The following PLCH1 variants were observed in gnomAD, a reference collection of about 807,000 sequenced individuals.
PLCH1 encodes the protein phospholipase C eta 1, also known as 1-phosphatidylinositol 4,5-bisphosphate phosphodiesterase eta-1.
Under a neutral mutation model 126.7 loss-of-function variants are expected in PLCH1, and 60 were observed. The ratio of observed to expected loss-of-function variants is 0.47; its 90% confidence interval spans 0.38 to 0.59. PLCH1 has a LOEUF of 0.59. PLCH1 is among the 20% of genes least tolerant of loss of function. The pLI is 0.00. For missense variants in PLCH1, 1,723 were observed against 2,040.0 expected, an observed-to-expected ratio of 0.84 and a Z score of 2.99; for synonymous variants, 719 against 734.9, an observed-to-expected ratio of 0.98 and a Z score of 0.35.
At chr3:155,567,595 G>C (rs1474137858) in intron 7 of PLCH1, among the ~76,000 whole-genome samples, 1 of 151,960 alleles carries the variant, frequency 6.6e-6, no homozygotes, top group Non-Finnish European at 1.5e-5. Flanking sequence ...CCTCCTCTTG[G>C]GTGGCAGCCT....
chr3:155,578,424 G>A (rs73154269), intron 6 of PLCH1, among the ~76,000 whole-genome samples: 6,763 of 152,228 alleles, frequency 0.044, 218 homozygotes, highest in Middle Eastern at 0.1. Flanking sequence ...TGATACTAAG[G>A]TAAAGTAAAA....
At chr3:155,684,993 A>G (rs1036955319) in intron 2 of PLCH1, among the ~76,000 whole-genome samples, 1 of 152,248 alleles carries the variant, frequency 6.6e-6, no homozygotes, top group Non-Finnish European at 1.5e-5. Flanking sequence ...AAGGAGGAAC[A>G]TAATGTAAAT....
chr3:155,696,804 C>T (rs1022190264), intron 2 of PLCH1, among the ~76,000 whole-genome samples: 5 of 152,108 alleles, frequency 3.3e-5, no homozygotes, highest in African/African-American at 9.7e-5. Context: ...CAATCAAGGG[C>T]CTTTCTGCCT....
intron 2 of PLCH1, among the ~76,000 whole-genome samples, chr3:155,604,098 T>C (rs1252461404): frequency 6.6e-6 from 1 of 151,972 alleles, no homozygotes; most frequent in Non-Finnish European, 1.5e-5. Flanking sequence ...GACCCTAGAC[T>C]CAATCAATCA....
At chr3:155,600,073 G>A (rs749844849) in intron 2 of PLCH1, among the ~76,000 whole-genome samples, 5 of 152,088 alleles carry the variant, frequency 3.3e-5, no homozygotes, top group Non-Finnish European at 5.9e-5. Context: ...TTTGGATAGA[G>A]GTAAATTGAA....
At chr3:155,521,553 C>T (rs1176246033) in intron 11 of PLCH1, among the ~76,000 whole-genome samples, 2 of 152,140 alleles carry the variant, frequency 1.3e-5, no homozygotes, top group African/African-American at 4.8e-5. Context: ...TAAGAGCTTC[C>T]TCTAAGATAA....
At chr3:155,712,994 TA>T (rs10684622) in intron 1 of PLCH1, among the ~76,000 whole-genome samples, 173 of 142,846 alleles carry the variant, frequency 1.2e-3, no homozygotes, top group Non-Finnish European at 1.2e-3. Context: ...ATCTTGTCTT[TA>T]AAAAAAAAAA....
intron 11 of PLCH1, among the ~76,000 whole-genome samples, chr3:155,516,841 G>A (rs1720396217): frequency 6.6e-6 from 1 of 152,062 alleles, no homozygotes; most frequent in African/African-American, 2.4e-5. Flanking sequence ...AGAGCCCTCA[G>A]TGTCATTGAG....
At chr3:155,724,810 GTT>G (rs1553764572) in intron 1 of PLCH1, among the ~76,000 whole-genome samples, 1 of 115,586 alleles carries the variant, frequency 8.7e-6, no homozygotes, top group Non-Finnish European at 1.6e-5. Flanking sequence ...ACCTTGGGGG[GTT>G]TTGTGTGTGT....
At chr3:155,714,822 T>G (rs1747391104) in intron 1 of PLCH1, among the ~76,000 whole-genome samples, 1 of 152,232 alleles carries the variant, frequency 6.6e-6, no homozygotes, top group African/African-American at 2.4e-5. Flanking sequence ...TTTACATGTA[T>G]GTTCCCAAGC....
chr3:155,598,327 A>G (rs937920438), intron 2 of PLCH1, among the ~76,000 whole-genome samples: 1 of 152,250 alleles, frequency 6.6e-6, no homozygotes, highest in Non-Finnish European at 1.5e-5. Context: ...TGAAAGCTAC[A>G]TAGTTGAATT....
At chr3:155,577,599 ATTTCT>A (rs1179708185) in intron 6 of PLCH1, among the ~76,000 whole-genome samples, 1 of 152,092 alleles carries the variant, frequency 6.6e-6, no homozygotes, top group Non-Finnish European at 1.5e-5. Flanking sequence ...AATTTTATAG[ATTTCT>A]TTTGAGTCAT....
At chr3:155,700,557 T>C (rs924495852) in intron 2 of PLCH1, among the ~76,000 whole-genome samples, 3 of 152,200 alleles carry the variant, frequency 2.0e-5, no homozygotes, top group African/African-American at 7.2e-5. Flanking sequence ...GTTGAGATGA[T>C]AACCTAATAA....
At chr3:155,578,129 T>A (rs924164225) in intron 6 of PLCH1, among the ~76,000 whole-genome samples, 1 of 152,154 alleles carries the variant, frequency 6.6e-6, no homozygotes, top group African/African-American at 2.4e-5. Context: ...CAAGTAAGGA[T>A]GGAGAAGTAG....
chr3:155,635,949 A>G (rs1738670649), intron 2 of PLCH1, among the ~76,000 whole-genome samples: 1 of 152,238 alleles, frequency 6.6e-6, no homozygotes, highest in African/African-American at 2.4e-5. Flanking sequence ...TTAGCAATTG[A>G]ATAATTCATT....
intron 1 of PLCH1, among the ~76,000 whole-genome samples, chr3:155,732,705 C>T (rs1029109004): frequency 6.6e-6 from 1 of 151,410 alleles, no homozygotes; most frequent in Non-Finnish European, 1.5e-5. Context: ...TAATGAAACC[C>T]CATCTCCACT....
rs938063390 is a variant in PLCH1, at chr3:155,676,189, C to T, written c.79+27957G>A. The T allele has an allele frequency of 3.1e-6, 4 of 1,309,502 alleles. No individual in the cohort carries two copies. In the African/African-American group the frequency reaches 4.6e-5, roughly 15 times the overall value. The allele number at this position is 1,309,502 out of a possible 1,614,324, so 81.1% of individuals were successfully genotyped here. A position where few individuals can be genotyped will look rare whatever the true frequency, so the allele number is the denominator to read the frequency against. ...CCCCCAGAACTTGGCTCATGCTGCC[C>T]TTTATGGCATGATGAGATCTTCACA... On this transcript the variant is annotated intron_variant, in intron 2 of 22. Transcript: ENST00000460012.
rs774351736 is a variant in PLCH1 at position 155,705,958 on chromosome 3, G to A, written c.-40-1694C>T. ...TGGGAGGCCAAGGCGGATGGATCAC[G>A]AGGTCCAGAGATCGAGCCCAGCCTG... On this transcript the variant is annotated intron_variant, in intron 1 of 22. Transcript: ENST00000460012. Among the ~76,000 whole-genome samples the A allele has an allele frequency of 3.9e-5, 6 of 152,044 alleles. No individual in the cohort carries two copies. The East Asian group carries it at 1.2e-3, about 29-fold the overall frequency.
At chr3:155,657,993 A>G in intron 2 of PLCH1, 1 of 161,650 alleles carries the variant, frequency 6.2e-6, no homozygotes, top group East Asian at 1.7e-4. Flanking sequence ...AAGAGGAGGT[A>G]CTCGCCACTA....
Sources: allele counts gnomAD v4.1 joint callset (sites outside exome capture counted in the v4.1 genomes callset), GRCh38; gene constraint gnomAD v4.1.1; transcripts MANE v1.5; gene names NCBI Gene and HGNC (gene_info 2026-07-23, HGNC 2026-07-21).